The following ADGRL3 variants were observed in gnomAD, a reference collection of about 807,000 sequenced individuals.
ADGRL3 encodes the protein adhesion G protein-coupled receptor L3.
In ADGRL3, 62 loss-of-function variants were observed where a neutral mutation model predicts 153.5. The observed-to-expected ratio is 0.40, with a 90% confidence interval of 0.33 to 0.50. The LOEUF is 0.50. ADGRL3 is among the 20% of genes least tolerant of loss of function. ADGRL3 has a pLI of 0.47. For synonymous variants in ADGRL3, 710 were observed against 672.5 expected, an observed-to-expected ratio of 1.06 and a Z score of -0.86; for missense variants, 1,641 against 1,859.4, an observed-to-expected ratio of 0.88 and a Z score of 2.16.
At chr4:61,724,917 G>C (rs528208756) in intron 6 of ADGRL3, among the ~76,000 whole-genome samples, 261 of 152,154 alleles carry the variant, frequency 1.7e-3, no homozygotes, top group Admixed American at 2.6e-3. Flanking sequence ...AGAAATCTTG[G>C]TTTTCCTTAG....
rs12643601 is a variant in ADGRL3, at chr4:61,627,606, G to A, written c.473+40166G>A. Among the ~76,000 whole-genome samples, 2,353 of 152,238 alleles carry A rather than the reference G, an allele frequency of 0.015. 197 individuals carry two copies. In the East Asian group the frequency reaches 0.23, roughly 15 times the overall value. On this transcript the variant is annotated intron_variant, in intron 5 of 26. Coordinates refer to ENST00000683033, the MANE Select transcript of ADGRL3 (RefSeq NM_001387552.1). ...ACTGCACTCCAGCCTGGGCAACAGA[G>A]TGAGACTCAATCTAAAAAACAAACA...
At chr4:61,846,091 G>C (rs953405258) in intron 9 of ADGRL3, among the ~76,000 whole-genome samples, 2 of 152,002 alleles carry the variant, frequency 1.3e-5, no homozygotes, top group Non-Finnish European at 2.9e-5. Context: ...ACGGTGGGAG[G>C]ATCTCTTAAG....
intron 8 of ADGRL3, among the ~76,000 whole-genome samples, chr4:61,794,346 T>C (rs1348593118): frequency 6.6e-6 from 1 of 152,244 alleles, no homozygotes; most frequent in South Asian, 2.1e-4. Context: ...TTACATGTTG[T>C]CTTTAGTATT....
In ADGRL3 at chr4:61,517,331, AC is replaced by A; in HGVS notation, c.73del (p.Arg25AspfsTer85). 1.4e-6 allele frequency: 1 copy of A among 703,252 alleles called. No individual in the cohort carries two copies. The allele number at this position is 703,252 out of a possible 1,614,324, so 43.6% of individuals were successfully genotyped here. On this transcript the variant is annotated frameshift_variant, in exon 4 of 27. Coordinates refer to ENST00000683033, the MANE Select transcript of ADGRL3 (RefSeq NM_001387552.1). LOFTEE classifies it high-confidence loss of function. ...TCCCCGCAGGTGGCAAGCACAGTGAACGACATCCTGCCCTTGCTGCTCCATT... is the reference window on the plus strand; with the variant it reads ...TCCCCGCAGGTGGCAAGCACAGTGAAGACATCCTGCCCTTGCTGCTCCATT... ...PIIHGGKHSE[R>X]HPALAAPLRH... is the part of the protein sequence containing the mutation.
intron 25 of ADGRL3, among the ~76,000 whole-genome samples, chr4:62,060,455 G>A (rs1225222249): frequency 6.6e-6 from 1 of 151,576 alleles, no homozygotes; most frequent in Non-Finnish European, 1.5e-5. Context: ...GGGCAATTAT[G>A]TTTTTTAAGA....
At chr4:61,540,690 G>T (rs1345483433) in intron 4 of ADGRL3, among the ~76,000 whole-genome samples, 1 of 152,154 alleles carries the variant, frequency 6.6e-6, no homozygotes, top group Admixed American at 6.5e-5. Context: ...TACTTTTAGG[G>T]ACAATATTTG....
chr4:61,867,732 G>A (rs2098411466), intron 9 of ADGRL3, among the ~76,000 whole-genome samples: 1 of 151,666 alleles, frequency 6.6e-6, no homozygotes, highest in South Asian at 2.1e-4. Flanking sequence ...GATGAAGTCT[G>A]TGTTGTGGAG....
At chr4:61,472,984 G>T (rs2097982630) in intron 2 of ADGRL3, among the ~76,000 whole-genome samples, 3 of 152,104 alleles carry the variant, frequency 2.0e-5, no homozygotes, top group African/African-American at 7.2e-5. Flanking sequence ...TGTAGGGCTT[G>T]TCAGTGCTAC....
intron 1 of ADGRL3, among the ~76,000 whole-genome samples, chr4:61,344,617 G>A (rs2095865153): frequency 6.6e-6 from 1 of 151,824 alleles, no homozygotes; most frequent in Non-Finnish European, 1.5e-5. Flanking sequence ...AAGTTTTACA[G>A]TGTGAGATTG....
At chr4:61,635,220 G>A (rs2093363805) in intron 5 of ADGRL3, among the ~76,000 whole-genome samples, 1 of 152,126 alleles carries the variant, frequency 6.6e-6, no homozygotes, top group Non-Finnish European at 1.5e-5. Context: ...GGAAGGAGGG[G>A]AGAAAGAAGA....
intron 1 of ADGRL3, among the ~76,000 whole-genome samples, chr4:61,371,726 G>A (rs536054590): frequency 1.3e-5 from 2 of 152,068 alleles, no homozygotes; most frequent in African/African-American, 4.8e-5. Context: ...TGCTCTTCTC[G>A]AGGAGTATCT....
At chr4:61,725,581 C>T (rs1204058355) in intron 6 of ADGRL3, among the ~76,000 whole-genome samples, 2 of 139,072 alleles carry the variant, frequency 1.4e-5, no homozygotes, top group Non-Finnish European at 3.0e-5. Flanking sequence ...GGCAACAGAG[C>T]GAGACTTCAT....
intron 8 of ADGRL3, among the ~76,000 whole-genome samples, chr4:61,788,795 T>C (rs2097306838): frequency 1.3e-5 from 2 of 152,212 alleles, no homozygotes; most frequent in African/African-American, 4.8e-5. Context: ...AGGATCTATG[T>C]ACATCCATTG....
intron 1 of ADGRL3, among the ~76,000 whole-genome samples, chr4:61,259,720 T>C (rs1218989557): frequency 3.3e-5 from 5 of 152,108 alleles, no homozygotes; most frequent in African/African-American, 1.2e-4. Flanking sequence ...TTTTTACATC[T>C]TTTTTTCTGT....
intron 8 of ADGRL3, among the ~76,000 whole-genome samples, chr4:61,754,478 CA>C (rs1321527821): frequency 1.3e-5 from 2 of 151,818 alleles, no homozygotes; most frequent in Non-Finnish European, 2.9e-5. Flanking sequence ...ATATCTCAAT[CA>C]AAAAAGTAAT....
intron 4 of ADGRL3, among the ~76,000 whole-genome samples, chr4:61,536,567 G>A (rs1445160662): frequency 6.6e-6 from 1 of 151,912 alleles, no homozygotes; most frequent in East Asian, 1.9e-4. Context: ...CTCTGGTGTT[G>A]GGTGCATATA....
intron 13 of ADGRL3, among the ~76,000 whole-genome samples, chr4:61,927,618 TG>T (rs2150058162): frequency 6.6e-6 from 1 of 152,268 alleles, no homozygotes; most frequent in South Asian, 2.1e-4. Context: ...ATTGATCAGA[TG>T]TATAAATATC....
intron 9 of ADGRL3, among the ~76,000 whole-genome samples, chr4:61,846,501 G>A (rs1446232122): frequency 2.0e-5 from 3 of 151,726 alleles, no homozygotes; most frequent in Admixed American, 6.6e-5. Flanking sequence ...GTAATCCTAC[G>A]GTGCATTCTG....
At chr4:61,275,145 A>G (rs565130018) in intron 1 of ADGRL3, among the ~76,000 whole-genome samples, 43 of 152,284 alleles carry the variant, frequency 2.8e-4, no homozygotes, top group African/African-American at 9.6e-4. Flanking sequence ...CCCAAACTAC[A>G]TACTGTTCAT....
Sources: allele counts gnomAD v4.1 joint callset (sites outside exome capture counted in the v4.1 genomes callset), GRCh38; gene constraint gnomAD v4.1.1; transcripts MANE v1.5; gene names NCBI Gene and HGNC (gene_info 2026-07-23, HGNC 2026-07-21).